Variants in IL22RA2 observed in about 807,000 individuals in gnomAD.
The protein encoded by IL22RA2 is interleukin 22 receptor subunit alpha 2.
IL22RA2 carries 39 observed loss-of-function variants against 30.7 expected under a neutral mutation model. The observed-to-expected ratio is 1.27, with a 90% CI of 0.98 to 1.66. The LOEUF (loss-of-function observed/expected upper bound fraction) is 1.66. Ranked by LOEUF, IL22RA2 falls within the 40% of genes most tolerant of loss-of-function variation. The pLI is 0.00. For synonymous variants in IL22RA2, 103 were observed against 105.0 expected, an observed-to-expected ratio of 0.98 and a Z score of 0.11; for missense variants, 315 against 312.7, an observed-to-expected ratio of 1.01 and a Z score of -0.05.
intron 1 of IL22RA2, among the ~76,000 whole-genome samples, chr6:137,169,666 T>C (rs1321054553): frequency 6.6e-6 from 1 of 152,222 alleles, no homozygotes; most frequent in African/African-American, 2.4e-5. Flanking sequence ...TGTACTCCTA[T>C]TTATATGTTA....
intron 2 of IL22RA2, among the ~76,000 whole-genome samples, chr6:137,159,107 C>A (rs1012636748): frequency 2.0e-5 from 3 of 152,146 alleles, no homozygotes; most frequent in Non-Finnish European, 2.9e-5. Context: ...CAAGACCCTG[C>A]TGGGGGGTAG....
rs371156410 is a variant in IL22RA2, at chr6:137,144,630, G to C, written c.*994C>G. On this transcript the variant is annotated 3_prime_UTR_variant, in exon 7 of 7. Transcript: ENST00000296980. ...GTCTCTGTAGGCACCTACCAACACCGGTCCTTCTCCTGCTACCCACTGTGT... is the reference window on the plus strand; with the variant it reads ...GTCTCTGTAGGCACCTACCAACACCCGTCCTTCTCCTGCTACCCACTGTGT... 6.6e-6 allele frequency: 1 copy of C among 152,230 alleles called. No individual in the cohort carries two copies. Among genetic ancestry groups the C allele is most frequent in the African/African-American group, 2.4e-5 (1 of 41,428 alleles). The allele number at this position is 152,230 out of a possible 1,614,324, so 9.4% of individuals were successfully genotyped here. A position where few individuals can be genotyped will look rare whatever the true frequency, so the allele number is the denominator to read the frequency against.
At chr6:137,158,941 C>T (rs571827451) in intron 2 of IL22RA2, among the ~76,000 whole-genome samples, 8 of 152,284 alleles carry the variant, frequency 5.3e-5, no homozygotes, top group South Asian at 4.1e-4. Flanking sequence ...TCCCTCCTTT[C>T]GCAGGTTCTT....
intron 4 of IL22RA2, 60 bp from the exon 5 acceptor site, chr6:137,155,179 A>G (rs531077695): frequency 8.0e-7 from 1 of 1,255,612 alleles, no homozygotes; most frequent in African/African-American, 1.5e-5. Context: ...AGTCTTCAGT[A>G]TTTTCAGACT....
chr6:137,166,543 C>T (rs977756122), intron 1 of IL22RA2, among the ~76,000 whole-genome samples: 6 of 152,206 alleles, frequency 3.9e-5, no homozygotes, highest in Non-Finnish European at 8.8e-5. Context: ...AAAAGAGCTG[C>T]AATGACAGCG....
chr6:137,166,839 G>A (rs974939516), intron 1 of IL22RA2, among the ~76,000 whole-genome samples: 15 of 152,182 alleles, frequency 9.9e-5, no homozygotes, highest in African/African-American at 3.6e-4. Context: ...GCCATCACTC[G>A]AGCCATTTAT....
intron 1 of IL22RA2, among the ~76,000 whole-genome samples, chr6:137,172,620 C>A (rs1778763169): frequency 6.6e-6 from 1 of 152,244 alleles, no homozygotes. Flanking sequence ...GCATGAAATG[C>A]TGGCTTCATT....
intron 6 of IL22RA2, 120 bp downstream of exon 6, chr6:137,147,602 T>G: frequency 1.2e-6 from 1 of 826,104 alleles, no homozygotes; most frequent in East Asian, 3.1e-5. Context: ...AAGAAGAAAT[T>G]AAAGATAAGG....
chr6:137,162,379 C>G (rs557914996), intron 1 of IL22RA2, among the ~76,000 whole-genome samples: 4 of 152,176 alleles, frequency 2.6e-5, no homozygotes, highest in Non-Finnish European at 5.9e-5. Context: ...TACTCTTCAG[C>G]CTTTCCCACT....
At chr6:137,152,099 G>C (rs892846347) in intron 5 of IL22RA2, among the ~76,000 whole-genome samples, 2 of 152,076 alleles carry the variant, frequency 1.3e-5, no homozygotes, top group African/African-American at 4.8e-5. Context: ...GATAGTCCTT[G>C]GTACTTGGGA....
chr6:137,145,880 T>G, intron 6 of IL22RA2, 107 bp from the exon 7 acceptor site: 1 of 1,167,478 alleles, frequency 8.6e-7, no homozygotes, highest in Non-Finnish European at 1.2e-6. Flanking sequence ...AGTAGATGGG[T>G]TGTGGGGTTT....
intron 1 of IL22RA2, among the ~76,000 whole-genome samples, chr6:137,164,136 C>A (rs374209070): frequency 3.4e-4 from 51 of 152,182 alleles, no homozygotes; most frequent in Non-Finnish European, 6.3e-4. Context: ...CACTGGAGTG[C>A]GTGCTGAAAA....
chr6:137,151,898 A>G (rs1778299381), intron 5 of IL22RA2, among the ~76,000 whole-genome samples: 1 of 152,192 alleles, frequency 6.6e-6, no homozygotes, highest in Admixed American at 6.5e-5. Flanking sequence ...GATTGGTAAA[A>G]ATGTGGAAAA....
intron 1 of IL22RA2, 66 bp from the exon 2 acceptor site, chr6:137,161,880 A>AATTTTATTTTGATACTACATTATATT: frequency 1.7e-6 from 1 of 572,858 alleles, no homozygotes; most frequent in East Asian, 2.8e-5. Context: ...AAGCAACTAC[A>AATTTTATTTTGATACTACATTATATT]ATTTTATTTT....
intron 2 of IL22RA2, 60 bp downstream of exon 2, chr6:137,161,629 A>T: frequency 7.1e-7 from 1 of 1,414,104 alleles, no homozygotes; most frequent in Non-Finnish European, 1.0e-6. Context: ...TTTCCAACAG[A>T]TCCTTGATTG....
Position 137,145,704 on chromosome 6 carries a change from A to G in IL22RA2, c.712T>C (p.Cys238Arg). Reference protein sequence around the residue: ...IEALTPHSSYCVVAEIYQPML... With the variant: ...IEALTPHSSYRVVAEIYQPML... The stretch of plus-strand genomic sequence containing the variant: ...GGCTGATATATTTCAGCCACTACAC[A>G]GTAGCTGGAGTGTGGTGTTAGAGCT... The change falls in exon 7 of 7, where the codon TGT (cysteine) becomes CGT (arginine). Residue 238 changes from cysteine to arginine, a missense_variant. Cys to Arg is a radical substitution (Grantham distance 180). Coordinates refer to ENST00000296980, the MANE Select transcript of IL22RA2 (RefSeq NM_052962.3). 6.2e-7 allele frequency: 1 copy of G among 1,613,768 alleles called. No individual in the cohort carries two copies. The highest frequency in any genetic ancestry group is 8.5e-7 in the Non-Finnish European group (1 of 1,179,774).
chr6:137,163,306 T>C (rs2114386359), intron 1 of IL22RA2, among the ~76,000 whole-genome samples: 1 of 152,342 alleles, frequency 6.6e-6, no homozygotes, highest in South Asian at 2.1e-4. Flanking sequence ...ACTGATCACC[T>C]TAATTTAGTA....
chr6:137,170,076 C>T (rs527679032), intron 1 of IL22RA2, among the ~76,000 whole-genome samples: 43 of 152,130 alleles, frequency 2.8e-4, no homozygotes, highest in Non-Finnish European at 4.3e-4. Flanking sequence ...CATTTCTAAT[C>T]GGAAGCATCC....
chr6:137,163,913 G>C (rs1301337553), intron 1 of IL22RA2, among the ~76,000 whole-genome samples: 1 of 152,162 alleles, frequency 6.6e-6, no homozygotes. Context: ...TCCCAGGCGA[G>C]TGTGGGAAAA....
Sources: gnomAD v4.1 joint callset for allele counts (sites outside exome capture counted in the v4.1 genomes callset) on GRCh38, gnomAD v4.1.1 for gene constraint, MANE v1.5 for transcripts, NCBI Gene and HGNC (gene_info 2026-07-23, HGNC 2026-07-21) for gene names.